ACOT9: variants seen among roughly 807,000 people sequenced by gnomAD.
ACOT9 encodes the protein acyl-CoA thioesterase 9.
Under a neutral mutation model 39.7 loss-of-function variants are expected in ACOT9, and 34 were observed. The observed-to-expected ratio is 0.86, with a 90% CI of 0.65 to 1.14. ACOT9 has a LOEUF of 1.14. Among genes scored for constraint, ACOT9 ranks in the 50% most tolerant of loss-of-function variants. The probability of loss-of-function intolerance (pLI) is 0.00; values close to 1 mark genes in which losing one functional copy is unlikely to be tolerated. For missense variants in ACOT9, 313 were observed against 344.1 expected, an observed-to-expected ratio of 0.91 and a Z score of 0.71; for synonymous variants, 110 against 120.5, an observed-to-expected ratio of 0.91 and a Z score of 0.57.
At chrX:23,718,312 T>C (rs1055211329) in intron 8 of ACOT9, among the ~76,000 whole-genome samples, 10 of 111,456 alleles carry the variant, frequency 9.0e-5, no homozygotes, top group Admixed American at 4.8e-4. Context: ...CCTAAATCTA[T>C]GCAAACCAGA....
intron 4 of ACOT9, among the ~76,000 whole-genome samples, chrX:23,731,194 G>A (rs748922972): frequency 1.6e-4 from 18 of 112,299 alleles, no homozygotes; most frequent in Admixed American, 9.5e-4. Context: ...ACATTCTTAA[G>A]GCCAGGTGCA....
rs56047011 is a variant in ACOT9 at position 23,734,981 on chromosome X, C to CA, written c.119-615dup. Reference sequence around the variant, plus strand: ...TATGCGACAGAGTGAGACTTCATCTCAAAAAAAAAAAAAAAAAAAAAAGGC... The same window carrying CA: ...TATGCGACAGAGTGAGACTTCATCTCAAAAAAAAAAAAAAAAAAAAAAAGGC... On this transcript the variant is annotated intron_variant, in intron 2 of 15. Transcript: ENST00000379303. Among the ~76,000 whole-genome samples, 122 of 29,693 alleles carry CA rather than the reference C, an allele frequency of 4.1e-3. 4 individuals are homozygous for CA. The highest frequency in any genetic ancestry group is 5.1e-3 in the Non-Finnish European group (98 of 19,214). The allele number at this position is 29,693 out of a possible 115,157, so 25.8% of individuals were successfully genotyped here. A position where few individuals can be genotyped will look rare whatever the true frequency, so the allele number is the denominator to read the frequency against.
At chrX:23,724,898 C>T (rs757884455) in intron 6 of ACOT9, among the ~76,000 whole-genome samples, 1 of 111,509 alleles carries the variant, frequency 9.0e-6, no homozygotes, top group Non-Finnish European at 1.9e-5. Context: ...GATTTTACCA[C>T]TGCACTACAG....
At chrX:23,706,063 G>C (rs1047517470) in intron 11 of ACOT9, among the ~76,000 whole-genome samples, 33 of 109,127 alleles carry the variant, frequency 3.0e-4, no homozygotes, top group Non-Finnish European at 7.6e-5. Context: ...TCAGGAGCTT[G>C]AGACCAGCCT....
At chrX:23,727,512 A>G (rs892551427) in intron 6 of ACOT9, among the ~76,000 whole-genome samples, 2 of 108,680 alleles carry the variant, frequency 1.8e-5, no homozygotes, top group Non-Finnish European at 3.8e-5. Flanking sequence ...TTTTGTAGAG[A>G]TGGGGACTCA....
chrX:23,723,998 C>A (rs1432381915), intron 6 of ACOT9, among the ~76,000 whole-genome samples: 1 of 112,142 alleles, frequency 8.9e-6, no homozygotes, highest in Non-Finnish European at 1.9e-5. Context: ...CACAGTGGCT[C>A]ATGCCTGTAA....
At position 23,703,498 on chromosome X, in the gene ACOT9, T is replaced by G. The variant is rs1293975912; in HGVS notation, c.*396A>C. 1 of 115,450 alleles carries G rather than the reference T, an allele frequency of 8.7e-6. No homozygotes were observed. Among genetic ancestry groups the G allele is most frequent in the Non-Finnish European group, 1.8e-5 (1 of 55,967 alleles). The allele number at this position is 115,450 out of a possible 1,213,427, so 9.5% of individuals were successfully genotyped here. Reference sequence around the variant, plus strand: ...CCACCACGGCTAATTTTCTGTATTTTTAGTAGAGACAGGGTTTCACCATGT... The same window carrying G: ...CCACCACGGCTAATTTTCTGTATTTGTAGTAGAGACAGGGTTTCACCATGT... On this transcript the variant is annotated 3_prime_UTR_variant, in exon 16 of 16. Coordinates refer to ENST00000379303, the MANE Select transcript of ACOT9 (RefSeq NM_001037171.2).
chrX:23,706,558 CAAA>C (rs35002168), intron 11 of ACOT9, 67 bp downstream of exon 11: 3,391 of 250,109 alleles, frequency 0.014, no homozygotes, highest in Admixed American at 0.027. Flanking sequence ...AACTCCGTCT[CAAA>C]AAAAAAAAAA....
At chrX:23,711,215 G>A (rs952496455) in intron 9 of ACOT9, among the ~76,000 whole-genome samples, 2 of 108,951 alleles carry the variant, frequency 1.8e-5, no homozygotes, top group East Asian at 5.9e-4. Flanking sequence ...CCAGCTACTT[G>A]GGAGGCAGAG....
At chrX:23,721,152 G>A (rs80313444) in intron 8 of ACOT9, among the ~76,000 whole-genome samples, 15,093 of 109,923 alleles carry the variant, frequency 0.14, 947 homozygotes, top group East Asian at 0.36. Context: ...GTGCAGTGGC[G>A]CAATCTCAGC....
In ACOT9 at chrX:23,721,807, G is replaced by A. The variant is rs765509894; in HGVS notation, c.588+74C>T. 1.7e-5 allele frequency: 15 copies of A among 874,364 alleles called. No individual in the cohort carries two copies. In the South Asian group the frequency reaches 3.4e-4, roughly 20 times the overall value. 72.1% of individuals were successfully genotyped at this position (874,364 alleles called of 1,213,427 possible). Reference sequence around the variant, plus strand: ...AACATACCTGTCTACAGATACATAGGTAAATAAGCTTTTCTTGCATGGAGA... The same window carrying A: ...AACATACCTGTCTACAGATACATAGATAAATAAGCTTTTCTTGCATGGAGA... On this transcript the variant is annotated intron_variant, in intron 8 of 15. Transcript: ENST00000379303.
Position 23,719,992 on chromosome X carries a change from G to A in ACOT9, c.588+1889C>T, listed in dbSNP as rs181317137. On this transcript the variant is annotated intron_variant, in intron 8 of 15. Transcript: ENST00000379303. ...TGGGATTACAGGCACCCGCCACCAC[G>A]CCCGGCTAATTTTTTTATTTTTAGT... Among the ~76,000 whole-genome samples the A allele has an allele frequency of 3.0e-3, 316 of 103,904 alleles. 2 individuals carry two copies. The highest frequency in any genetic ancestry group is 8.3e-3 in the African/African-American group (251 of 30,112). 90.2% of individuals were successfully genotyped at this position (103,904 alleles called of 115,157 possible). A position where few individuals can be genotyped will look rare whatever the true frequency, so the allele number is the denominator to read the frequency against.
In ACOT9 at chrX:23,703,470, A is replaced by C. The variant is rs973655335; in HGVS notation, c.*424T>G. On this transcript the variant is annotated 3_prime_UTR_variant, in exon 16 of 16. Transcript: ENST00000379303. ...CCCAAGTAGCTGGGACTACAGGCACATGCCACCACGGCTAATTTTCTGTAT... is the reference window on the plus strand; with the variant it reads ...CCCAAGTAGCTGGGACTACAGGCACCTGCCACCACGGCTAATTTTCTGTAT... 4 of 114,178 alleles carry C rather than the reference A, an allele frequency of 3.5e-5. No individual in the cohort carries two copies. The highest frequency in any genetic ancestry group is 1.3e-4 in the African/African-American group (4 of 30,656). The allele number at this position is 114,178 out of a possible 1,213,427, so 9.4% of individuals were successfully genotyped here. A position where few individuals can be genotyped will look rare whatever the true frequency, so the allele number is the denominator to read the frequency against.
chrX:23,726,401 A>G (rs150004025), intron 6 of ACOT9, among the ~76,000 whole-genome samples: 2,279 of 110,172 alleles, frequency 0.021, 62 homozygotes, highest in East Asian at 0.17. Context: ...TGGACGATAT[A>G]AGAAGCCACA....
Position 23,742,771 on chromosome X carries a change from A to C in ACOT9, c.20+354T>G, listed in dbSNP as rs751759476. ...AGGGCTAGAGGTAACATAGAACTCCAAATATTATCTTTCTGACAAGGGGCT... is the reference window on the plus strand; with the variant it reads ...AGGGCTAGAGGTAACATAGAACTCCCAATATTATCTTTCTGACAAGGGGCT... On this transcript the variant is annotated intron_variant, in intron 1 of 15. Transcript: ENST00000379303. Among the ~76,000 whole-genome samples the C allele has an allele frequency of 3.6e-5, 4 of 112,540 alleles. No individual in the cohort carries two copies. The East Asian group carries it at 1.1e-3, about 31-fold the overall frequency.
chrX:23,733,855 G>C (rs58475240), intron 3 of ACOT9, among the ~76,000 whole-genome samples: 7,858 of 112,139 alleles, frequency 0.07, 390 homozygotes, highest in East Asian at 0.24. Flanking sequence ...TCCGCCTCCC[G>C]GGTTCAAGTG....
At chrX:23,714,983 A>C (rs905752833) in intron 8 of ACOT9, among the ~76,000 whole-genome samples, 2 of 111,512 alleles carry the variant, frequency 1.8e-5, no homozygotes, top group African/African-American at 6.5e-5. Flanking sequence ...GTAATGACAG[A>C]AGTTATTTAT....
Position 23,730,815 on chromosome X carries a change from C to A in ACOT9, c.362+1G>T, listed in dbSNP as rs766085934. On this transcript the variant is annotated splice_donor_variant, in intron 5 of 15. Transcript: ENST00000379303. LOFTEE classifies it high-confidence loss of function. The stretch of plus-strand genomic sequence containing the variant: ...AATACATAAAAATAGCACTGTGTTA[C>A]CTTACGGTGTTTTGAACAGTCAAAT... 1 of 1,197,131 alleles carries A rather than the reference C, an allele frequency of 8.4e-7. No individual in the cohort carries two copies. Among genetic ancestry groups the A allele is most frequent in the Non-Finnish European group, 1.1e-6 (1 of 888,326 alleles).
chrX:23,703,086 G>A lies in ACOT9; in HGVS notation c.*808C>T, dbSNP rs779346013. On this transcript the variant is annotated 3_prime_UTR_variant, in exon 16 of 16. Transcript: ENST00000379303. Reference sequence around the variant, plus strand: ...CCTAAATCTTCCCACAAATCTTTACGGATGCAGTAACTTTTGTTAAATCCC... The same window carrying A: ...CCTAAATCTTCCCACAAATCTTTACAGATGCAGTAACTTTTGTTAAATCCC... The A allele has an allele frequency of 7.2e-5, 8 of 111,443 alleles. No individual in the cohort carries two copies. Among genetic ancestry groups the A allele is most frequent in the Non-Finnish European group, 1.3e-4 (7 of 53,152 alleles). 9.2% of individuals were successfully genotyped at this position (111,443 alleles called of 1,213,427 possible).
Sources: allele counts gnomAD v4.1 joint callset (sites outside exome capture counted in the v4.1 genomes callset), GRCh38; gene constraint gnomAD v4.1.1; transcripts MANE v1.5; gene names NCBI Gene and HGNC (gene_info 2026-07-23, HGNC 2026-07-21).